Variants in CD276 observed in about 807,000 individuals in gnomAD.
CD276 encodes the protein CD276 molecule.
CD276 carries 34 observed loss-of-function variants against 50.0 expected under a neutral mutation model. That is an observed-to-expected ratio of 0.68 (90% CI 0.52 to 0.91). The LOEUF (loss-of-function observed/expected upper bound fraction) is 0.91. Among genes scored for constraint, CD276 ranks in the 40% least tolerant of loss-of-function variants. The pLI, the probability that CD276 is intolerant of heterozygous loss-of-function variation, is 0.00. For synonymous variants in CD276, 275 were observed against 313.0 expected (o/e 0.88, Z 1.28); for missense variants, 634 against 717.5 (o/e 0.88, Z 1.33).
At chr15:73,706,193 TGAGCC>T (rs1190514591) in intron 6 of CD276, among the ~76,000 whole-genome samples, 3 of 152,060 alleles carry the variant, frequency 2.0e-5, no homozygotes, top group African/African-American at 4.8e-5. Context: ...GAGGTTGCAG[TGAGCC>T]GAGACAGTGT....
At chr15:73,703,599 G>T in intron 4 of CD276, 60 bp from the exon 5 acceptor site, 4 of 1,330,758 alleles carry the variant, frequency 3.0e-6, no homozygotes, top group Non-Finnish European at 4.1e-6. Context: ...GGGGACTCGG[G>T]TGGTAGCCTA....
chr15:73,711,018 C>A, intron 8 of CD276, 117 bp from the exon 9 acceptor site: 2 of 1,017,306 alleles, frequency 2.0e-6, no homozygotes, highest in South Asian at 1.4e-5. Flanking sequence ...ATGAAGTGGT[C>A]CCACTCTGCT....
chr15:73,692,194 G>A (rs1056070846), intron 1 of CD276, among the ~76,000 whole-genome samples: 10 of 152,070 alleles, frequency 6.6e-5, no homozygotes, highest in African/African-American at 2.4e-4. Context: ...CTCCTCCTCT[G>A]TGCAGTCCTT....
chr15:73,714,259 T>C lies in CD276; in HGVS notation c.*1303T>C, dbSNP rs1596025608. On this transcript the variant is annotated 3_prime_UTR_variant, in exon 10 of 10. Transcript: ENST00000318443. ...GGGCAGGGCAGGGCCAGGAATGCTT[T>C]GGGGACACCGAGGGGACTGCCCCCC... 3 of 181,362 alleles carry C rather than the reference T, an allele frequency of 1.7e-5. No homozygotes were observed. The highest frequency in any genetic ancestry group is 2.4e-5 in the African/African-American group (1 of 41,712). The allele number at this position is 181,362 out of a possible 1,614,324, so 11.2% of individuals were successfully genotyped here.
chr15:73,705,406 T>C (rs987043517), intron 6 of CD276, among the ~76,000 whole-genome samples: 2 of 152,116 alleles, frequency 1.3e-5, no homozygotes, highest in East Asian at 3.9e-4. Flanking sequence ...TCTTGAGACC[T>C]ATGTGGTCCC....
chr15:73,684,907 G>T, intron 1 of CD276: 1 of 152,922 alleles, frequency 6.5e-6, no homozygotes, highest in Non-Finnish European at 1.5e-5. Context: ...GAGGTTAGCG[G>T]GGTCTCGGGT....
Position 73,699,567 on chromosome 15 carries a change from T to C in CD276, c.-54-19T>C, listed in dbSNP as rs1371160630. 5 of 1,576,388 alleles carry C rather than the reference T, an allele frequency of 3.2e-6. No homozygotes were observed. The highest frequency in any genetic ancestry group is 4.6e-5 in the East Asian group (2 of 43,230). ...GGAGAACCTTTGGAGACAAAGGCCT[T>C]GCGTCCTCTTTCTCCCAGGCAGGGG... On this transcript the variant is annotated intron_variant, in intron 1 of 9. Transcript: ENST00000318443.
At chr15:73,685,578 A>G (rs2141527345) in intron 1 of CD276, among the ~76,000 whole-genome samples, 1 of 151,846 alleles carries the variant, frequency 6.6e-6, no homozygotes, top group Non-Finnish European at 1.5e-5. Flanking sequence ...AATGAGTCTG[A>G]TCTCTTCATT....
chr15:73,708,140 C>T (rs369673266), intron 6 of CD276, among the ~76,000 whole-genome samples, 199 bp from the exon 7 acceptor site: 2 of 152,286 alleles, frequency 1.3e-5, no homozygotes, highest in South Asian at 4.1e-4. Flanking sequence ...CTGGTTGAGG[C>T]GTGTCCACAT....
In CD276 at chr15:73,703,802, C is replaced by G; in HGVS notation, c.877C>G (p.Leu293Val). The change falls in exon 5 of 10, where the codon CTG becomes GTG. Residue 293 changes from leucine (L) to valine (V), a missense_variant. By Grantham distance (32) the Leu-to-Val change is conservative. Coordinates refer to ENST00000318443, the MANE Select transcript of CD276 (RefSeq NM_001024736.2). ...LIWQLTDTKQLVHSFTEGRDQ... is the reference protein window; with the variant it reads ...LIWQLTDTKQVVHSFTEGRDQ... The stretch of plus-strand genomic sequence containing the variant: ...CTGGCAGCTGACAGACACCAAACAG[C>G]TGGTGCACAGTTTCACCGAAGGCCG... The G allele has an allele frequency of 1.2e-6, 2 of 1,613,708 alleles. No homozygotes were observed.
At position 73,708,373 on chromosome 15, in the gene CD276, G is replaced by T; in HGVS notation, c.1404G>T (p.Trp468Cys). 3 of 1,614,206 alleles carry T rather than the reference G, an allele frequency of 1.9e-6. No homozygotes were observed. The highest frequency in any genetic ancestry group is 2.5e-6 in the Non-Finnish European group (3 of 1,180,040). ...TGACATTCCCCCCAGAGGCCCTGTGGGTGACCGTGGGGCTGTCTGTCTGTC... is the reference window on the plus strand; with the variant it reads ...TGACATTCCCCCCAGAGGCCCTGTGTGTGACCGTGGGGCTGTCTGTCTGTC... ...QPMTFPPEALWVTVGLSVCLI... is the reference protein window; with the variant it reads ...QPMTFPPEALCVTVGLSVCLI... Residue 468 changes from tryptophan (W) to cysteine (C), a missense_variant, in exon 7 of 10, where the codon TGG becomes TGT. Physicochemically the swap from Trp to Cys is radical, Grantham distance 215. Transcript: ENST00000318443.
intron 6 of CD276, among the ~76,000 whole-genome samples, chr15:73,705,275 C>G (rs1451171045): frequency 6.6e-6 from 1 of 152,170 alleles, no homozygotes; most frequent in Non-Finnish European, 1.5e-5. Context: ...TTTTGTCTGT[C>G]TGGTTCTCCT....
intron 1 of CD276, among the ~76,000 whole-genome samples, chr15:73,690,472 G>A (rs982345615): frequency 6.6e-6 from 1 of 152,186 alleles, no homozygotes; most frequent in African/African-American, 2.4e-5. Context: ...AGAAAAAAAG[G>A]TTATTTGGCT....
At chr15:73,699,535 G>T (rs1900294461) in intron 1 of CD276, 51 bp from the exon 2 acceptor site, 3 of 1,541,372 alleles carry the variant, frequency 1.9e-6, no homozygotes, top group Admixed American at 2.0e-5. Flanking sequence ...GGCAAGAGAT[G>T]GTCTGGGGAG....
At chr15:73,705,246 G>A (rs2141573742) in intron 6 of CD276, among the ~76,000 whole-genome samples, 1 of 152,286 alleles carries the variant, frequency 6.6e-6, no homozygotes, top group Non-Finnish European at 1.5e-5. Flanking sequence ...CTGGTGCACA[G>A]TGAGGTCAGG....
intron 1 of CD276, among the ~76,000 whole-genome samples, chr15:73,688,056 C>A (rs1899836375): frequency 6.6e-6 from 1 of 152,120 alleles, no homozygotes; most frequent in African/African-American, 2.4e-5. Context: ...GGCCCAGGAC[C>A]ACTAGAATGA....
chr15:73,701,781 G>GA (rs35033126), intron 2 of CD276, among the ~76,000 whole-genome samples: 89,267 of 152,084 alleles, frequency 0.59, 26,368 homozygotes, highest in African/African-American at 0.63. Flanking sequence ...CTCCTCCAGA[G>GA]AAACCACTAT....
chr15:73,685,315 T>C (rs1234458141), intron 1 of CD276, among the ~76,000 whole-genome samples: 3 of 152,114 alleles, frequency 2.0e-5, no homozygotes, highest in African/African-American at 7.2e-5. Flanking sequence ...AGCTAGCGAA[T>C]TGGCAGGTTT....
intron 7 of CD276, chr15:73,708,708 G>A (rs1900755767): frequency 7.3e-6 from 4 of 550,578 alleles, no homozygotes; most frequent in Non-Finnish European, 1.3e-5. Flanking sequence ...GAGTGTGACT[G>A]GAAGGTGGTG....
Sources: allele counts gnomAD v4.1 joint callset (sites outside exome capture counted in the v4.1 genomes callset), GRCh38; gene constraint gnomAD v4.1.1; transcripts MANE v1.5; gene names NCBI Gene and HGNC (gene_info 2026-07-23, HGNC 2026-07-21).